CSMD1: variants seen among roughly 807,000 people sequenced by gnomAD.
CSMD1 encodes the protein CUB and Sushi multiple domains 1, also known as CUB and sushi domain-containing protein 1.
A neutral mutation model predicts 417.5 loss-of-function variants in CSMD1; 213 were observed. That is an observed-to-expected ratio of 0.51 (90% CI 0.46 to 0.57). The LOEUF (loss-of-function observed/expected upper bound fraction) is 0.57, where lower values mean the gene tolerates loss of function less well. Ranked by LOEUF, CSMD1 falls within the 20% of genes least tolerant of loss-of-function variation. The pLI is 0.00. For synonymous variants in CSMD1, 2,862 were observed against 1,736.8 expected (o/e 1.65, Z -16.11); for missense variants, 6,923 against 4,529.7 (o/e 1.53, Z -15.17).
chr8:4,268,724 T>C lies in CSMD1; in HGVS notation c.415+151229A>G, dbSNP rs193055210. On this transcript the variant is annotated intron_variant, in intron 3 of 69. Coordinates refer to ENST00000635120, the MANE Select transcript of CSMD1 (RefSeq NM_033225.6). Reference sequence around the variant, plus strand: ...TTTTTTTTGAAGTAACATAACCAAATACCCCCACTTAATTCTATTAAATTG... The same window carrying C: ...TTTTTTTTGAAGTAACATAACCAAACACCCCCACTTAATTCTATTAAATTG... Among the ~76,000 whole-genome samples the C allele has an allele frequency of 3.3e-3, 497 of 151,640 alleles. 3 individuals carry two copies. The highest frequency in any genetic ancestry group is 0.011 in the African/African-American group (459 of 41,202).
chr8:3,986,710 T>G (rs1174163265), intron 5 of CSMD1, among the ~76,000 whole-genome samples: 1 of 152,188 alleles, frequency 6.6e-6, no homozygotes. Flanking sequence ...ATGGAAAATT[T>G]ATCATGTTTC....
At chr8:4,771,467 C>T (rs185549773) in intron 1 of CSMD1, among the ~76,000 whole-genome samples, 4 of 152,288 alleles carry the variant, frequency 2.6e-5, no homozygotes, top group East Asian at 3.9e-4. Flanking sequence ...ATCCTCCGTG[C>T]GAAGCTCAGT....
intron 12 of CSMD1, among the ~76,000 whole-genome samples, chr8:3,460,484 T>G (rs896357669): frequency 6.6e-6 from 1 of 151,980 alleles, no homozygotes; most frequent in African/African-American, 2.4e-5. Context: ...AAAAAGATAA[T>G]TCTGACTGGA....
intron 12 of CSMD1, among the ~76,000 whole-genome samples, chr8:3,464,791 T>C (rs927590010): frequency 6.6e-6 from 1 of 152,130 alleles, no homozygotes; most frequent in Non-Finnish European, 1.5e-5. Context: ...ATTTGGGCTT[T>C]TGAACAGATT....
chr8:4,461,897 C>T (rs905387501), intron 2 of CSMD1, among the ~76,000 whole-genome samples: 4 of 151,848 alleles, frequency 2.6e-5, no homozygotes, highest in South Asian at 2.1e-4. Context: ...CCCGCCACCA[C>T]GCCCGGCTAA....
intron 5 of CSMD1, among the ~76,000 whole-genome samples, chr8:3,787,790 T>A (rs1229867623): frequency 1.3e-5 from 2 of 152,214 alleles, no homozygotes; most frequent in African/African-American, 4.8e-5. Flanking sequence ...GAACTGGCAC[T>A]TTTTAGTACT....
intron 25 of CSMD1, among the ~76,000 whole-genome samples, chr8:3,293,414 A>C (rs1198340226): frequency 6.6e-6 from 1 of 152,200 alleles, no homozygotes; most frequent in African/African-American, 2.4e-5. Flanking sequence ...AATATCCTGC[A>C]GAGTGTTTTC....
At chr8:3,309,956 T>A (rs1200741428) in intron 23 of CSMD1, among the ~76,000 whole-genome samples, 1 of 140,940 alleles carries the variant, frequency 7.1e-6, no homozygotes, top group Non-Finnish European at 1.6e-5. Context: ...AGAGTCAGTC[T>A]TTACCAACCA....
rs1809261071 is a variant in CSMD1, at chr8:4,958,376, T to G, written c.85+35956A>C. Among the ~76,000 whole-genome samples, 5 of 152,274 alleles carry G rather than the reference T, an allele frequency of 3.3e-5. No homozygotes were observed. The South Asian group carries it at 1.0e-3, about 32-fold the overall frequency. On this transcript the variant is annotated intron_variant, in intron 1 of 69. Coordinates refer to ENST00000635120, the MANE Select transcript of CSMD1 (RefSeq NM_033225.6). ...ATGGTTGATCTTTACCCACCTATTT[T>G]AAAACAATTTTTAAGCAATTGACAT...
chr8:4,171,990 C>T (rs1381494620), intron 3 of CSMD1, among the ~76,000 whole-genome samples: 1 of 152,026 alleles, frequency 6.6e-6, no homozygotes, highest in South Asian at 2.1e-4. Context: ...ATTTGAATAT[C>T]ACGGTTTAAT....
At chr8:4,342,306 G>A (rs769059641) in intron 3 of CSMD1, among the ~76,000 whole-genome samples, 2 of 151,998 alleles carry the variant, frequency 1.3e-5, no homozygotes, top group Non-Finnish European at 2.9e-5. Context: ...ATTCAAAGGT[G>A]TGCAATGTAT....
chr8:4,017,822 T>C (rs1796596279), intron 4 of CSMD1, among the ~76,000 whole-genome samples: 1 of 152,160 alleles, frequency 6.6e-6, no homozygotes, highest in African/African-American at 2.4e-5. Flanking sequence ...TTTCTGGAGA[T>C]CTCAGCTGTT....
intron 1 of CSMD1, chr8:4,788,681 A>G: frequency 3.5e-6 from 2 of 569,962 alleles, no homozygotes; most frequent in South Asian, 3.0e-5. Flanking sequence ...ATTATAAATT[A>G]GAGAACACAA....
intron 1 of CSMD1, among the ~76,000 whole-genome samples, chr8:4,919,747 T>C (rs980939352): frequency 9.9e-5 from 15 of 152,214 alleles, no homozygotes; most frequent in African/African-American, 3.1e-4. Context: ...GGGCCTAGAA[T>C]AAGTGATTAG....
At chr8:3,752,715 TGAAAC>T (rs1458041734) in intron 6 of CSMD1, among the ~76,000 whole-genome samples, 1 of 148,800 alleles carries the variant, frequency 6.7e-6, no homozygotes, top group African/African-American at 2.5e-5. Flanking sequence ...CATATTTTGT[TGAAAC>T]GAATTTGCCC....
chr8:4,374,193 G>T (rs1009936673), intron 3 of CSMD1, among the ~76,000 whole-genome samples: 2 of 152,028 alleles, frequency 1.3e-5, no homozygotes, highest in Non-Finnish European at 2.9e-5. Flanking sequence ...TCCAGTCCAG[G>T]GTTAGCTTTG....
At chr8:3,398,827 G>A (rs9969537) in intron 16 of CSMD1, among the ~76,000 whole-genome samples, 79,863 of 151,924 alleles carry the variant, frequency 0.53, 21,254 homozygotes, top group Middle Eastern at 0.61. Flanking sequence ...AAATACCTAC[G>A]CAGCCCAGCA....
At chr8:4,280,911 G>C (rs188513355) in intron 3 of CSMD1, among the ~76,000 whole-genome samples, 13 of 152,264 alleles carry the variant, frequency 8.5e-5, no homozygotes, top group East Asian at 7.7e-4. Context: ...CATGGAAGTT[G>C]CAATTGCAAA....
At position 3,729,952 on chromosome 8, in the gene CSMD1, AAAAAAAAAAC is replaced by A. The variant is rs1563318564; in HGVS notation, c.932-21471_932-21462del. 1.1e-3 allele frequency among the ~76,000 whole-genome samples: 14 copies of A among 13,126 alleles called. 1 individual carries two copies. The highest frequency in any genetic ancestry group is 1.8e-3 in the African/African-American group (14 of 7,950). 8.6% of individuals were successfully genotyped at this position (13,126 alleles called of 152,430 possible). On this transcript the variant is annotated intron_variant, in intron 6 of 69. Transcript: ENST00000635120. Reference sequence around the variant, plus strand: ...AAAAAAAAAAAAAAAAAAAAAAAAAAAAAAAAAAACAAAAACAGAAGAACGGATACATAAT... The same window carrying A: ...AAAAAAAAAAAAAAAAAAAAAAAAAAAAAAACAGAAGAACGGATACATAAT...
Sources: allele counts gnomAD v4.1 joint callset (sites outside exome capture counted in the v4.1 genomes callset), GRCh38; gene constraint gnomAD v4.1.1; transcripts MANE v1.5; gene names NCBI Gene and HGNC (gene_info 2026-07-23, HGNC 2026-07-21).